Variants in LIMCH1 observed in about 807,000 individuals in gnomAD.
LIMCH1 encodes the protein LIM and calponin homology domains 1.
LIMCH1 carries 113 observed loss-of-function variants against 176.5 expected under a neutral mutation model. The observed-to-expected ratio is 0.64, with a 90% CI of 0.55 to 0.75. The LOEUF is 0.75. Among genes scored for constraint, LIMCH1 ranks in the 30% least tolerant of loss-of-function variants. LIMCH1 has a pLI of 0.00. For synonymous variants in LIMCH1, 619 were observed against 645.9 expected (o/e 0.96, Z 0.63); for missense variants, 1,674 against 1,814.9 (o/e 0.92, Z 1.41).
rs141018823 is a variant in LIMCH1 at position 41,671,397 on chromosome 4, A to AACACACACACACAC, written c.3398-127_3398-114dup. Among the ~76,000 whole-genome samples, 448 of 137,570 alleles carry AACACACACACACAC rather than the reference A, an allele frequency of 3.3e-3. 2 individuals carry two copies. The highest frequency in any genetic ancestry group is 5.0e-3 in the African/African-American group (188 of 37,618). The allele number at this position is 137,570 out of a possible 152,430, so 90.3% of individuals were successfully genotyped here. ...ATTTTCTAATGTTCTTGACTTACCA[A>AACACACACACACAC]ACACACACACACACACACACACACA... On this transcript the variant is annotated intron_variant, in intron 21 of 31. Transcript: ENST00000503057.
intron 13 of LIMCH1, among the ~76,000 whole-genome samples, chr4:41,636,344 T>A (rs528765085): frequency 0.013 from 1,768 of 140,002 alleles, 31 homozygotes; most frequent in African/African-American, 0.048. Flanking sequence ...TTATTACTTT[T>A]TTTTTTTTTT....
intron 4 of LIMCH1, among the ~76,000 whole-genome samples, chr4:41,610,037 C>T (rs1217477096): frequency 6.6e-6 from 1 of 152,208 alleles, no homozygotes; most frequent in Non-Finnish European, 1.5e-5. Context: ...CTGGTTTTCA[C>T]TGTTCAAACT....
chr4:41,427,671 A>T (rs1436060887), intron 1 of LIMCH1, among the ~76,000 whole-genome samples: 1 of 152,250 alleles, frequency 6.6e-6, no homozygotes, highest in East Asian at 1.9e-4. Flanking sequence ...AGCTTTTGCC[A>T]GGAGACCTTT....
chr4:41,683,020 AG>A (rs1249753616), intron 26 of LIMCH1, among the ~76,000 whole-genome samples: 1 of 152,086 alleles, frequency 6.6e-6, no homozygotes, highest in Non-Finnish European at 1.5e-5. Context: ...TTTTAAACAA[AG>A]GGGGGCAGTA....
At chr4:41,405,889 G>T (rs2058909147) in intron 1 of LIMCH1, among the ~76,000 whole-genome samples, 1 of 152,192 alleles carries the variant, frequency 6.6e-6, no homozygotes, top group Non-Finnish European at 1.5e-5. Context: ...AATTCAGAAA[G>T]TAGTTGTGGA....
At chr4:41,652,647 GTTC>G (rs1320113196) in intron 18 of LIMCH1, among the ~76,000 whole-genome samples, 1 of 152,206 alleles carries the variant, frequency 6.6e-6, no homozygotes, top group South Asian at 2.1e-4. Context: ...TAATAATTCT[GTTC>G]TTATTTCTCT....
chr4:41,440,577 G>A (rs11946877), intron 1 of LIMCH1, among the ~76,000 whole-genome samples: 19,462 of 152,090 alleles, frequency 0.13, 1,484 homozygotes, highest in Admixed American at 0.21. Context: ...CTGGCTCCCA[G>A]GCTGGAGTGC....
At chr4:41,371,643 C>CT (rs1003518835) in intron 1 of LIMCH1, among the ~76,000 whole-genome samples, 37 of 111,428 alleles carry the variant, frequency 3.3e-4, no homozygotes, top group Admixed American at 9.1e-4. Flanking sequence ...TATCTGCTGC[C>CT]CCCGTCCCAG....
rs35832745 is a variant in LIMCH1 at position 41,367,684 on chromosome 4, C to CAAAAAAAAAAA, written c.96+6760_96+6770dup. 2.6e-3 allele frequency among the ~76,000 whole-genome samples: 254 copies of CAAAAAAAAAAA among 96,254 alleles called. 2 individuals are homozygous for CAAAAAAAAAAA. Among genetic ancestry groups the CAAAAAAAAAAA allele is most frequent in the Non-Finnish European group, 3.2e-3 (166 of 51,232 alleles). 63.1% of individuals were successfully genotyped at this position (96,254 alleles called of 152,430 possible). A position where few individuals can be genotyped will look rare whatever the true frequency, so the allele number is the denominator to read the frequency against. On this transcript the variant is annotated intron_variant, in intron 1 of 26. Coordinates refer to the LIMCH1 transcript ENST00000313860. The stretch of plus-strand genomic sequence containing the variant: ...TGAAACCCTGTCTCTACTAAAAATC[C>CAAAAAAAAAAA]AAAAAAAAAAAAAAAAAAAAAAGGA...
Position 41,644,551 on chromosome 4 carries a change from G to T in LIMCH1, c.2178G>T (p.Pro726=). 1.2e-6 allele frequency: 2 copies of T among 1,603,990 alleles called. No homozygotes were observed. The highest frequency in any genetic ancestry group is 2.3e-5 in the East Asian group (1 of 44,272). The stretch of plus-strand genomic sequence containing the variant: ...GTGAGGAGGAGGCCGCGGTGCAGCC[G>T]CACAGCAGGGCCCGCCAGGAGCAGC... ...MRCEEEAAVQ[P]HSRARQEQLQ... is the part of the protein sequence containing the mutation. Residue 726 remains proline (P), a synonymous_variant, in exon 15 of 32, where the codon CCG becomes CCT. Transcript: ENST00000503057.
Position 41,587,922 on chromosome 4 carries a change from TC to T in LIMCH1, c.-240-10997del, listed in dbSNP as rs561860944. ...TACCGTAACATATCAAACTTTATATTCTTTTTTTTATTTTGTTTTATTATTA... is the reference window on the plus strand; with the variant it reads ...TACCGTAACATATCAAACTTTATATTTTTTTTTTATTTTGTTTTATTATTA... On this transcript the variant is annotated intron_variant, in intron 1 of 31. Coordinates refer to ENST00000503057, the MANE Select transcript of LIMCH1 (RefSeq NM_001330672.2). Among the ~76,000 whole-genome samples the T allele has an allele frequency of 2.2e-4, 33 of 152,334 alleles. No individual in the cohort carries two copies. In the South Asian group the frequency reaches 6.4e-3, roughly 30 times the overall value.
intron 1 of LIMCH1, among the ~76,000 whole-genome samples, chr4:41,483,437 G>T (rs1392387718): frequency 6.6e-6 from 1 of 152,116 alleles, no homozygotes; most frequent in Admixed American, 6.5e-5. Flanking sequence ...CAAGCAAAAT[G>T]TCATTCTGGA....
intron 1 of LIMCH1, among the ~76,000 whole-genome samples, chr4:41,398,790 C>T (rs1292719360): frequency 6.6e-6 from 1 of 152,076 alleles, no homozygotes; most frequent in African/African-American, 2.4e-5. Flanking sequence ...TATTCTCTTC[C>T]CAAGTCTCCC....
chr4:41,543,232 A>T (rs77636190), intron 1 of LIMCH1, among the ~76,000 whole-genome samples: 6,091 of 152,216 alleles, frequency 0.04, 427 homozygotes, highest in African/African-American at 0.14. Context: ...ACTCAGCTGA[A>T]GGTATTTAAT....
chr4:41,631,594 G>T lies in LIMCH1; in HGVS notation c.1601+117G>T, dbSNP rs2093328865. The stretch of plus-strand genomic sequence containing the variant: ...AGATGACATAGTTTTAACAGACTAT[G>T]TATAGCAGAGAAGTAATGTTAGCGG... On this transcript the variant is annotated intron_variant, in intron 10 of 31. Coordinates refer to ENST00000503057, the MANE Select transcript of LIMCH1 (RefSeq NM_001330672.2). 8 of 825,184 alleles carry T rather than the reference G, an allele frequency of 9.7e-6. No homozygotes were observed. The South Asian group carries it at 1.5e-4, about 15-fold the overall frequency. The allele number at this position is 825,184 out of a possible 1,614,324, so 51.1% of individuals were successfully genotyped here.
At chr4:41,437,299 C>T (rs993580505) in intron 1 of LIMCH1, among the ~76,000 whole-genome samples, 8 of 152,202 alleles carry the variant, frequency 5.3e-5, no homozygotes, top group African/African-American at 1.9e-4. Flanking sequence ...CAGAAGTGTG[C>T]AAGGAGCCTG....
intron 4 of LIMCH1, chr4:41,612,852 T>A: frequency 7.7e-6 from 1 of 129,648 alleles, no homozygotes; most frequent in South Asian, 2.2e-4. Flanking sequence ...ATTGCCTTTC[T>A]TTTTTTTTTT....
At chr4:41,657,333 G>A (rs2094492496) in intron 18 of LIMCH1, among the ~76,000 whole-genome samples, 3 of 152,178 alleles carry the variant, frequency 2.0e-5, no homozygotes, top group South Asian at 4.1e-4. Context: ...GAAGCAAACC[G>A]CTGAGTGTAT....
intron 1 of LIMCH1, among the ~76,000 whole-genome samples, chr4:41,407,500 G>C (rs1489143496): frequency 6.6e-6 from 1 of 152,202 alleles, no homozygotes; most frequent in African/African-American, 2.4e-5. Flanking sequence ...AAAGTGCCGG[G>C]TTTACAGGCA....
Sources: allele counts gnomAD v4.1 joint callset (sites outside exome capture counted in the v4.1 genomes callset), GRCh38; gene constraint gnomAD v4.1.1; transcripts MANE v1.5; gene names NCBI Gene and HGNC (gene_info 2026-07-23, HGNC 2026-07-21).